The following ATP8A1 variants were observed in gnomAD, a reference collection of about 807,000 sequenced individuals.
ATP8A1 encodes ATPase phospholipid transporting 8A1.
ATP8A1 carries 90 observed loss-of-function variants against 177.7 expected under a neutral mutation model. The observed-to-expected ratio is 0.51, with a 90% CI of 0.43 to 0.60. ATP8A1 has a LOEUF of 0.60. Among genes scored for constraint, ATP8A1 ranks in the 20% least tolerant of loss-of-function variants. The pLI is 0.00. For missense variants in ATP8A1, 1,072 were observed against 1,392.8 expected (o/e 0.77, Z 3.67); for synonymous variants, 493 against 485.9 (o/e 1.01, Z -0.19).
chr4:42,492,734 A>AT (rs903628289), intron 24 of ATP8A1, among the ~76,000 whole-genome samples: 5 of 152,302 alleles, frequency 3.3e-5, no homozygotes, highest in Non-Finnish European at 4.4e-5. Flanking sequence ...TGGATTTGTT[A>AT]TTTTTCTTCA....
At chr4:42,455,680 G>T in intron 27 of ATP8A1, 81 bp from the exon 28 acceptor site, 1 of 1,231,156 alleles carries the variant, frequency 8.1e-7, no homozygotes, top group Non-Finnish European at 1.2e-6. Context: ...ATACTCAACT[G>T]CTGCATAATA....
chr4:42,470,821 G>C (rs1261820343), intron 25 of ATP8A1, among the ~76,000 whole-genome samples: 1 of 152,084 alleles, frequency 6.6e-6, no homozygotes, highest in African/African-American at 2.4e-5. Context: ...TCTGCTCCAG[G>C]TGCCTATTTA....
Position 42,440,523 on chromosome 4 carries a change from T to C in ATP8A1, c.3123+3042A>G, listed in dbSNP as rs537116550. Reference sequence around the variant, plus strand: ...CCCCTTGCACTAGAAAAGTGAGCTATGGGAGGGCATGGGTTTCTGTCTGTT... The same window carrying C: ...CCCCTTGCACTAGAAAAGTGAGCTACGGGAGGGCATGGGTTTCTGTCTGTT... On this transcript the variant is annotated intron_variant, in intron 33 of 36. Transcript: ENST00000381668. Among the ~76,000 whole-genome samples the C allele has an allele frequency of 4.6e-5, 7 of 152,214 alleles. No individual in the cohort carries two copies. In the South Asian group the frequency reaches 1.2e-3, roughly 27 times the overall value.
intron 33 of ATP8A1, among the ~76,000 whole-genome samples, chr4:42,427,014 G>A (rs1223574073): frequency 6.6e-6 from 1 of 152,190 alleles, no homozygotes; most frequent in Non-Finnish European, 1.5e-5. Flanking sequence ...GGAGGGGAGT[G>A]CAGTAAGAGA....
intron 5 of ATP8A1, among the ~76,000 whole-genome samples, chr4:42,604,742 T>C (rs1735622507): frequency 2.6e-5 from 4 of 152,244 alleles, no homozygotes; most frequent in Admixed American, 1.3e-4. Context: ...CACTGAAACA[T>C]TATTCATAAT....
At chr4:42,607,796 C>T (rs1194863756) in intron 5 of ATP8A1, among the ~76,000 whole-genome samples, 1 of 152,122 alleles carries the variant, frequency 6.6e-6, no homozygotes, top group Non-Finnish European at 1.5e-5. Context: ...TTCCTCCCTA[C>T]CTTCATTTAG....
At chr4:42,557,759 C>T (rs914392294) in intron 15 of ATP8A1, among the ~76,000 whole-genome samples, 1 of 152,114 alleles carries the variant, frequency 6.6e-6, no homozygotes, top group Non-Finnish European at 1.5e-5. Context: ...AACCCCAAAA[C>T]AGGCTGGGCA....
At chr4:42,455,686 T>C in intron 27 of ATP8A1, 87 bp from the exon 28 acceptor site, 1 of 1,122,938 alleles carries the variant, frequency 8.9e-7, no homozygotes, top group Non-Finnish European at 1.3e-6. Flanking sequence ...AACTGCTGCA[T>C]AATAGCAGCA....
At chr4:42,433,632 C>CCAAACAAACAAA (rs113747755) in intron 33 of ATP8A1, among the ~76,000 whole-genome samples, 65 of 151,758 alleles carry the variant, frequency 4.3e-4, no homozygotes, top group African/African-American at 1.5e-3. Context: ...TTGGGTTATC[C>CCAAACAAACAAA]CAAACAAACA....
intron 20 of ATP8A1, among the ~76,000 whole-genome samples, chr4:42,528,508 T>C (rs1726939253): frequency 6.6e-6 from 1 of 151,932 alleles, no homozygotes; most frequent in Admixed American, 6.6e-5. Flanking sequence ...AACCAAGTGG[T>C]GACTCCAATT....
At chr4:42,526,081 A>G (rs996925243) in intron 20 of ATP8A1, among the ~76,000 whole-genome samples, 9 of 152,196 alleles carry the variant, frequency 5.9e-5, no homozygotes, top group Non-Finnish European at 1.3e-4. Flanking sequence ...TAAAACTAAG[A>G]AAATATTTGA....
intron 24 of ATP8A1, among the ~76,000 whole-genome samples, chr4:42,496,847 C>G (rs572134036): frequency 2.0e-5 from 3 of 152,162 alleles, no homozygotes; most frequent in Admixed American, 6.5e-5. Context: ...CACACACACA[C>G]AGTCAATAAC....
rs1246860495 is a variant in ATP8A1 at position 42,522,168 on chromosome 4, T to G, written c.1939A>C (p.Ile647Leu). The change falls in exon 22 of 37, where the codon ATT becomes CTT. Residue 647 changes from isoleucine to leucine, a missense_variant. By Grantham distance (5) the Ile-to-Leu change is conservative. Around this residue, in one of 5 missense-constraint regions of ATP8A1, gnomAD observed 388 missense variants for 471.7 expected, o/e 0.82. Coordinates refer to ENST00000381668, the MANE Select transcript of ATP8A1 (RefSeq NM_006095.2). ...LLKLEESYEL[I>L]EKNLQLLGAT... is the part of the protein sequence containing the mutation. ...CAGAATCATCCACGTACCTTTTCAA[T>G]CAACTCATAACTCTCTTCGAGTTTG... 2.5e-6 allele frequency: 4 copies of G among 1,607,294 alleles called. No homozygotes were observed. The highest frequency in any genetic ancestry group is 3.4e-6 in the Non-Finnish European group (4 of 1,178,358).
intron 15 of ATP8A1, among the ~76,000 whole-genome samples, chr4:42,564,772 G>C (rs1045910828): frequency 3.3e-5 from 5 of 152,172 alleles, no homozygotes; most frequent in Admixed American, 2.0e-4. Context: ...TTGGGGAATT[G>C]TTAGGAAGGC....
intron 1 of ATP8A1, among the ~76,000 whole-genome samples, chr4:42,632,281 T>G (rs1374329059): frequency 6.6e-6 from 1 of 152,172 alleles, no homozygotes; most frequent in African/African-American, 2.4e-5. Context: ...TGGTCTAGCT[T>G]TTATTGAAAT....
At chr4:42,580,305 G>A (rs1222220525) in intron 10 of ATP8A1, among the ~76,000 whole-genome samples, 2 of 152,168 alleles carry the variant, frequency 1.3e-5, no homozygotes, top group Non-Finnish European at 1.5e-5. Context: ...AAGCAAACAG[G>A]GTAGTCTAGA....
intron 30 of ATP8A1, among the ~76,000 whole-genome samples, chr4:42,448,058 A>G (rs1717475974): frequency 6.6e-6 from 1 of 152,236 alleles, no homozygotes; most frequent in Non-Finnish European, 1.5e-5. Flanking sequence ...ATTAGAAATT[A>G]AAACAGAAAA....
At chr4:42,610,796 C>A (rs1441249020) in intron 5 of ATP8A1, among the ~76,000 whole-genome samples, 3 of 152,070 alleles carry the variant, frequency 2.0e-5, no homozygotes, top group Admixed American at 1.3e-4. Context: ...AATTTTAAGT[C>A]CCTAGGATCA....
intron 1 of ATP8A1, among the ~76,000 whole-genome samples, chr4:42,653,776 C>A (rs1057046901): frequency 6.6e-6 from 1 of 152,158 alleles, no homozygotes; most frequent in African/African-American, 2.4e-5. Context: ...AAATGACTCA[C>A]CTTGGCATTT....
Sources: allele counts gnomAD v4.1 joint callset (sites outside exome capture counted in the v4.1 genomes callset), GRCh38; gene constraint gnomAD v4.1.1; regional missense constraint gnomAD v4.1.1; transcripts MANE v1.5; gene names NCBI Gene and HGNC (gene_info 2026-07-23, HGNC 2026-07-21).